KCTD8: variants seen among roughly 807,000 people sequenced by gnomAD.
KCTD8 encodes potassium channel tetramerization domain containing 8, also known as BTB/POZ domain-containing protein KCTD8.
A neutral mutation model predicts 31.5 loss-of-function variants in KCTD8; 27 were observed. The ratio of observed to expected loss-of-function variants is 0.86; its 90% confidence interval spans 0.63 to 1.18. The LOEUF is 1.18. KCTD8 is among the 50% of genes most tolerant of loss of function. KCTD8 has a pLI of 0.00. For missense variants in KCTD8, 658 were observed against 647.7 expected (o/e 1.02, Z -0.17); for synonymous variants, 290 against 280.0 (o/e 1.04, Z -0.36).
chr4:44,397,701 AT>A (rs982047378), intron 1 of KCTD8, among the ~76,000 whole-genome samples: 11 of 152,070 alleles, frequency 7.2e-5, no homozygotes, highest in African/African-American at 2.7e-4. Context: ...TAAAAATGAG[AT>A]TATATCTTCT....
intron 1 of KCTD8, among the ~76,000 whole-genome samples, chr4:44,270,915 C>G (rs953116234): frequency 6.6e-6 from 1 of 151,942 alleles, no homozygotes; most frequent in Admixed American, 6.6e-5. Context: ...AAGTCCCTAC[C>G]CAACATTTTT....
At chr4:44,388,584 C>A (rs926208842) in intron 1 of KCTD8, among the ~76,000 whole-genome samples, 2 of 151,766 alleles carry the variant, frequency 1.3e-5, no homozygotes, top group Non-Finnish European at 2.9e-5. Context: ...GGTCATTATC[C>A]TTAGCAAACT....
At chr4:44,419,880 A>G (rs532355452) in intron 1 of KCTD8, among the ~76,000 whole-genome samples, 1 of 152,212 alleles carries the variant, frequency 6.6e-6, no homozygotes, top group African/African-American at 2.4e-5. Context: ...AAGGAAAAGA[A>G]AAAAAGAAAG....
At chr4:44,266,347 A>C (rs550141942) in intron 1 of KCTD8, among the ~76,000 whole-genome samples, 9,258 of 152,066 alleles carry the variant, frequency 0.061, 938 homozygotes, top group African/African-American at 0.21. Context: ...AAATGCTGAG[A>C]GATTTTGTCA....
chr4:44,279,716 T>C (rs1288568197), intron 1 of KCTD8, among the ~76,000 whole-genome samples: 1 of 152,070 alleles, frequency 6.6e-6, no homozygotes, highest in Non-Finnish European at 1.5e-5. Context: ...TAAACACATA[T>C]GCAGGGTGCA....
At chr4:44,292,885 C>G (rs1460068374) in intron 1 of KCTD8, among the ~76,000 whole-genome samples, 1 of 151,992 alleles carries the variant, frequency 6.6e-6, no homozygotes, top group Non-Finnish European at 1.5e-5. Flanking sequence ...ACTTTGAATT[C>G]TAAATGTGTC....
intron 1 of KCTD8, among the ~76,000 whole-genome samples, chr4:44,429,733 C>T (rs1256319712): frequency 6.6e-6 from 1 of 151,412 alleles, no homozygotes; most frequent in Non-Finnish European, 1.5e-5. Context: ...GTTGAATGTC[C>T]AAAAATAAAA....
Position 44,233,931 on chromosome 4 carries a change from C to A in KCTD8, c.962-58681G>T, listed in dbSNP as rs191989522. Among the ~76,000 whole-genome samples, 900 of 152,206 alleles carry A rather than the reference C, an allele frequency of 5.9e-3. 7 individuals are homozygous for A. The highest frequency in any genetic ancestry group is 9.1e-3 in the Non-Finnish European group (621 of 67,992). On this transcript the variant is annotated intron_variant, in intron 1 of 1. Transcript: ENST00000360029. ...GATATTGAGTATTTTCTACTAGCTT[C>A]ATGGCCATGAAAAAACTGCTTAGCT... is the stretch of plus-strand genomic sequence containing the variant.
intron 1 of KCTD8, among the ~76,000 whole-genome samples, chr4:44,240,083 C>T (rs1001219272): frequency 1.3e-5 from 2 of 152,196 alleles, no homozygotes; most frequent in African/African-American, 2.4e-5. Context: ...GACCCACTGC[C>T]AGTCTCCATT....
At chr4:44,359,793 G>A (rs1248723207) in intron 1 of KCTD8, among the ~76,000 whole-genome samples, 1 of 151,992 alleles carries the variant, frequency 6.6e-6, no homozygotes, top group Admixed American at 6.6e-5. Context: ...GACCAGATAA[G>A]GGAGGTGTTA....
At chr4:44,188,190 C>T (rs1457794091) in intron 1 of KCTD8, among the ~76,000 whole-genome samples, 1 of 152,076 alleles carries the variant, frequency 6.6e-6, no homozygotes, top group Admixed American at 6.5e-5. Flanking sequence ...TTGTAGCTGC[C>T]ATACTATTGA....
chr4:44,289,865 G>A (rs115713996), intron 1 of KCTD8, among the ~76,000 whole-genome samples: 1 of 152,098 alleles, frequency 6.6e-6, no homozygotes, highest in African/African-American at 2.4e-5. Flanking sequence ...TGACTGTAGG[G>A]TCAAGAGACT....
intron 1 of KCTD8, among the ~76,000 whole-genome samples, chr4:44,352,625 CA>C (rs1719232684): frequency 6.7e-6 from 1 of 148,616 alleles, no homozygotes; most frequent in Non-Finnish European, 1.5e-5. Flanking sequence ...TTTTAGAAAT[CA>C]TAGAAAATAT....
At chr4:44,362,430 A>G (rs1341416341) in intron 1 of KCTD8, among the ~76,000 whole-genome samples, 2 of 152,152 alleles carry the variant, frequency 1.3e-5, no homozygotes, top group African/African-American at 2.4e-5. Flanking sequence ...TCACAAAGAT[A>G]GTAAGCAGTA....
chr4:44,319,097 T>C (rs890496963), intron 1 of KCTD8, among the ~76,000 whole-genome samples: 3 of 152,224 alleles, frequency 2.0e-5, no homozygotes, highest in African/African-American at 7.2e-5. Flanking sequence ...ACAAAGAGTA[T>C]GTTAGGTATT....
At chr4:44,389,330 C>T (rs1720309433) in intron 1 of KCTD8, among the ~76,000 whole-genome samples, 1 of 151,600 alleles carries the variant, frequency 6.6e-6, no homozygotes, top group Admixed American at 6.6e-5. Flanking sequence ...TGATGGAAAC[C>T]TCATTTACCC....
intron 1 of KCTD8, among the ~76,000 whole-genome samples, chr4:44,213,680 T>G (rs1209875586): frequency 6.6e-6 from 1 of 152,180 alleles, no homozygotes; most frequent in Non-Finnish European, 1.5e-5. Flanking sequence ...CTCTCATACC[T>G]TTACTCTTTT....
chr4:44,221,903 C>T (rs1714819432), intron 1 of KCTD8, among the ~76,000 whole-genome samples: 1 of 152,152 alleles, frequency 6.6e-6, no homozygotes, highest in South Asian at 2.1e-4. Context: ...AAATACTTTG[C>T]ATCATTCAAT....
At chr4:44,187,746 T>A (rs1028242904) in intron 1 of KCTD8, among the ~76,000 whole-genome samples, 1 of 152,166 alleles carries the variant, frequency 6.6e-6, no homozygotes, top group South Asian at 2.1e-4. Flanking sequence ...CTCTACAACA[T>A]GTCTGGTGGC....
Sources: allele counts gnomAD v4.1 joint callset (sites outside exome capture counted in the v4.1 genomes callset), GRCh38; gene constraint gnomAD v4.1.1; transcripts MANE v1.5; gene names NCBI Gene and HGNC (gene_info 2026-07-23, HGNC 2026-07-21).